Variants in NCOA1 observed in about 807,000 individuals in gnomAD.
NCOA1 encodes the protein Hin-2 protein.
NCOA1 carries 35 observed loss-of-function variants against 150.9 expected under a neutral mutation model. The observed-to-expected ratio is 0.23, with a 90% CI of 0.18 to 0.31. NCOA1 has a LOEUF of 0.31. Ranked by LOEUF, NCOA1 falls within the 10% of genes least tolerant of loss-of-function variation. The pLI, the probability that NCOA1 is intolerant of heterozygous loss-of-function variation, is 1.00. For synonymous variants in NCOA1, 590 were observed against 630.0 expected, an observed-to-expected ratio of 0.94 and a Z score of 0.95; for missense variants, 1,491 against 1,749.3, an observed-to-expected ratio of 0.85 and a Z score of 2.63.
chr2:24,499,606 T>G (rs2148071036), intron 1 of NCOA1, among the ~76,000 whole-genome samples: 1 of 152,328 alleles, frequency 6.6e-6, no homozygotes, highest in Non-Finnish European at 1.5e-5. Flanking sequence ...TGCAGTGGAC[T>G]TGTTTGTTCG....
chr2:24,705,041 A>T, intron 11 of NCOA1, 45 bp from the exon 12 acceptor site: 1 of 1,591,756 alleles, frequency 6.3e-7, no homozygotes. Context: ...AAGCCAGCGT[A>T]TAAGTATCAG....
chr2:24,583,294 T>C (rs539305850), intron 2 of NCOA1, among the ~76,000 whole-genome samples: 11 of 151,936 alleles, frequency 7.2e-5, no homozygotes, highest in Admixed American at 1.3e-4. Context: ...CCAACAAATA[T>C]ATGGAAAAAA....
At chr2:24,496,602 C>T (rs1255489552) in intron 1 of NCOA1, among the ~76,000 whole-genome samples, 1 of 152,120 alleles carries the variant, frequency 6.6e-6, no homozygotes, top group Non-Finnish European at 1.5e-5. Context: ...GAGAGAGATT[C>T]TCTTTTTAGT....
intron 7 of NCOA1, among the ~76,000 whole-genome samples, chr2:24,682,006 G>T (rs997987479): frequency 6.6e-6 from 1 of 152,164 alleles, no homozygotes; most frequent in African/African-American, 2.4e-5. Context: ...GAGACACTGC[G>T]CCCGGCCCCG....
intron 3 of NCOA1, among the ~76,000 whole-genome samples, chr2:24,637,291 C>T (rs1015581913): frequency 3.6e-5 from 5 of 140,704 alleles, no homozygotes; most frequent in Non-Finnish European, 7.6e-5. Context: ...GTCCACGTGT[C>T]AGGGATCTAG....
intron 2 of NCOA1, among the ~76,000 whole-genome samples, chr2:24,583,964 TC>T (rs1165308448): frequency 6.6e-6 from 1 of 152,120 alleles, no homozygotes; most frequent in Non-Finnish European, 1.5e-5. Flanking sequence ...AAGAATAAGT[TC>T]TGGTGTTCTG....
At chr2:24,596,213 C>T (rs546118137) in intron 3 of NCOA1, among the ~76,000 whole-genome samples, 1 of 152,134 alleles carries the variant, frequency 6.6e-6, no homozygotes, top group African/African-American at 2.4e-5. Context: ...AAAATGGAGG[C>T]TGGCTACACC....
At chr2:24,702,475 T>C (rs981401032) in intron 11 of NCOA1, among the ~76,000 whole-genome samples, 2 of 152,314 alleles carry the variant, frequency 1.3e-5, no homozygotes, top group Admixed American at 6.5e-5. Context: ...TGAGGTTATC[T>C]CAGCACCAAA....
Position 24,527,466 on chromosome 2 carries a change from G to A in NCOA1, c.-396+35864G>A, listed in dbSNP as rs1008047790. On this transcript the variant is annotated intron_variant, in intron 1 of 22. Coordinates refer to ENST00000348332, the MANE Select transcript of NCOA1 (RefSeq NM_003743.5). ...AGCATAATGTCTTCCAGGTTCATCC[G>A]TGTTGTGGCAAATGGCAGGATCTCC... 2.0e-4 allele frequency among the ~76,000 whole-genome samples: 31 copies of A among 152,186 alleles called. 1 individual carries two copies. The highest frequency in any genetic ancestry group is 8.3e-4 in the South Asian group (4 of 4,828).
chr2:24,605,402 T>C (rs989192360), intron 3 of NCOA1, among the ~76,000 whole-genome samples: 1 of 152,206 alleles, frequency 6.6e-6, no homozygotes, highest in Non-Finnish European at 1.5e-5. Context: ...TTTTTAAAAA[T>C]TTTTAAGATT....
chr2:24,605,551 T>A (rs1280858958), intron 3 of NCOA1, among the ~76,000 whole-genome samples: 2 of 152,234 alleles, frequency 1.3e-5, no homozygotes, highest in Non-Finnish European at 2.9e-5. Flanking sequence ...ATTCTTATTT[T>A]GTGGTATGCA....
chr2:24,641,297 A>G (rs1398012358), intron 3 of NCOA1, among the ~76,000 whole-genome samples: 1 of 151,160 alleles, frequency 6.6e-6, no homozygotes, highest in African/African-American at 2.4e-5. Flanking sequence ...AAACTCCACA[A>G]TATTTTATAT....
At chr2:24,573,299 G>A (rs1666816080) in intron 2 of NCOA1, among the ~76,000 whole-genome samples, 1 of 152,096 alleles carries the variant, frequency 6.6e-6, no homozygotes, top group African/African-American at 2.4e-5. Flanking sequence ...TTCAGATACT[G>A]TCCCAATAAC....
chr2:24,766,190 A>G (rs368391034), intron 22 of NCOA1, among the ~76,000 whole-genome samples: 2 of 152,200 alleles, frequency 1.3e-5, no homozygotes, highest in Admixed American at 1.3e-4. Flanking sequence ...ATGAGCCTCC[A>G]TGCCTATCCT....
At chr2:24,593,469 A>G (rs1318462229) in intron 3 of NCOA1, among the ~76,000 whole-genome samples, 2 of 152,124 alleles carry the variant, frequency 1.3e-5, no homozygotes, top group African/African-American at 4.8e-5. Flanking sequence ...TGCCTGTGAA[A>G]GGAAACTCCA....
chr2:24,641,643 C>T (rs1670221529), intron 3 of NCOA1, among the ~76,000 whole-genome samples: 1 of 152,022 alleles, frequency 6.6e-6, no homozygotes, highest in African/African-American at 2.4e-5. Flanking sequence ...TGATAGGGCT[C>T]CCCACCCCCC....
At chr2:24,496,670 A>G (rs1343130141) in intron 1 of NCOA1, among the ~76,000 whole-genome samples, 1 of 152,222 alleles carries the variant, frequency 6.6e-6, no homozygotes, top group Non-Finnish European at 1.5e-5. Context: ...CAGGAACTAC[A>G]ACATTTAGAG....
At chr2:24,603,234 G>T (rs920344468) in intron 3 of NCOA1, among the ~76,000 whole-genome samples, 1 of 152,146 alleles carries the variant, frequency 6.6e-6, no homozygotes, top group African/African-American at 2.4e-5. Context: ...AATTGCTAAC[G>T]ATTATGTGAA....
At chr2:24,609,505 A>C (rs1221915901) in intron 3 of NCOA1, among the ~76,000 whole-genome samples, 1 of 152,156 alleles carries the variant, frequency 6.6e-6, no homozygotes, top group Non-Finnish European at 1.5e-5. Flanking sequence ...CCATCCCAGC[A>C]ACTCTGGAGG....
Sources: gnomAD v4.1 joint callset for allele counts (sites outside exome capture counted in the v4.1 genomes callset) on GRCh38, gnomAD v4.1.1 for gene constraint, MANE v1.5 for transcripts, NCBI Gene and HGNC (gene_info 2026-07-23, HGNC 2026-07-21) for gene names.